HK1: variants seen among roughly 807,000 people sequenced by gnomAD.
HK1 encodes hexokinase 1.
Under a neutral mutation model 91.6 loss-of-function variants are expected in HK1, and 28 were observed. That is an observed-to-expected ratio of 0.31 (90% CI 0.23 to 0.42). The LOEUF (loss-of-function observed/expected upper bound fraction) is 0.42. Ranked by LOEUF, HK1 falls within the 10% of genes least tolerant of loss-of-function variation. The probability of loss-of-function intolerance (pLI) is 1.00; values close to 1 mark genes in which losing one functional copy is unlikely to be tolerated. For synonymous variants in HK1, 430 were observed against 468.1 expected (o/e 0.92, Z 1.05); for missense variants, 770 against 1,219.8 (o/e 0.63, Z 5.49).
Position 69,384,893 on chromosome 10 carries a change from G to A in HK1, c.1817G>A (p.Cys606Tyr). 1 of 1,614,200 alleles carries A rather than the reference G, an allele frequency of 6.2e-7. No homozygotes were observed. The highest frequency in any genetic ancestry group is 8.5e-7 in the Non-Finnish European group (1 of 1,180,034). The change falls in exon 12 of 18, where the codon TGC (cysteine) becomes TAC (tyrosine). Residue 606 changes from cysteine (C) to tyrosine (Y), a missense_variant. Cys to Tyr is a radical substitution (Grantham distance 194, BLOSUM62 -2). Transcript: ENST00000359426. ...CTGGGCTTCACGTTCTCATTTCCCT[G>A]CCAGCAGACGAGTCTGGACGCGGTG... Reference protein sequence around the residue: ...MPLGFTFSFPCQQTSLDAGIL... With the variant: ...MPLGFTFSFPYQQTSLDAGIL...
intron 3 of HK1, among the ~76,000 whole-genome samples, chr10:69,290,338 G>A (rs921354565): frequency 6.6e-6 from 1 of 152,154 alleles, no homozygotes; most frequent in Admixed American, 6.5e-5. Flanking sequence ...CTTCCACCTC[G>A]AGGCAAGAGG....
intron 2 of HK1, among the ~76,000 whole-genome samples, chr10:69,287,354 A>C (rs904844633): frequency 2.0e-5 from 3 of 152,144 alleles, no homozygotes; most frequent in African/African-American, 7.2e-5. Flanking sequence ...CAGGGGGGGA[A>C]CCGCCCCCAT....
chr10:69,285,836 C>T (rs890876889), intron 2 of HK1, among the ~76,000 whole-genome samples: 2 of 151,978 alleles, frequency 1.3e-5, no homozygotes, highest in Admixed American at 6.6e-5. Flanking sequence ...ACTCTCTAGA[C>T]AAAAAGCAAC....
At chr10:69,320,885 C>G (rs1846983400) in intron 1 of HK1, among the ~76,000 whole-genome samples, 1 of 152,148 alleles carries the variant, frequency 6.6e-6, no homozygotes, top group South Asian at 2.1e-4. Context: ...CTGTGGGTGG[C>G]TCAATTCACA....
intron 1 of HK1, among the ~76,000 whole-genome samples, chr10:69,273,785 A>G (rs1020967817): frequency 6.6e-6 from 1 of 152,236 alleles, no homozygotes; most frequent in Admixed American, 6.5e-5. Context: ...TAGAATATCC[A>G]TGTCCTTTTT....
rs1840371960 is a variant in HK1 at position 69,401,176 on chromosome 10, C to G, written c.*41C>G. 6.3e-7 allele frequency: 1 copy of G among 1,597,200 alleles called. No homozygotes were observed. The highest frequency in any genetic ancestry group is 1.3e-5 in the African/African-American group (1 of 74,668). ...AGCCTACTGCCTCTCCAGCACTTCT[C>G]TCTTCAAGCGGCGACCCCCTACCCT... On this transcript the variant is annotated 3_prime_UTR_variant, in exon 18 of 18. Coordinates refer to ENST00000359426, the MANE Select transcript of HK1 (RefSeq NM_000188.3).
At chr10:69,364,638 C>T in intron 3 of HK1, 145 bp from the exon 4 acceptor site, 1 of 1,008,694 alleles carries the variant, frequency 9.9e-7, no homozygotes, top group South Asian at 1.3e-5. Context: ...GCTTTTCAGA[C>T]AGGGCCACCA....
chr10:69,375,051 G>A (rs1839019176), intron 7 of HK1, among the ~76,000 whole-genome samples: 1 of 123,052 alleles, frequency 8.1e-6, no homozygotes, highest in Admixed American at 7.0e-5. Context: ...GATTCAAAAT[G>A]TGGATTGCCA....
intron 5 of HK1, among the ~76,000 whole-genome samples, chr10:69,302,218 G>A (rs999553724): frequency 1.3e-5 from 2 of 150,844 alleles, no homozygotes; most frequent in African/African-American, 4.9e-5. Flanking sequence ...TTGCACTCCA[G>A]CCTGGGCAAC....
In HK1 at chr10:69,386,332, A is replaced by G. The variant is rs760127339; in HGVS notation, c.1849A>G (p.Ile617Val). 1.2e-5 allele frequency: 19 copies of G among 1,613,670 alleles called. No individual in the cohort carries two copies. In the East Asian group the frequency reaches 4.2e-4, roughly 36 times the overall value. The part of the protein sequence containing the change: ...QQTSLDAGIL[I>V]TWTKGFKATD... Reference sequence around the variant, plus strand: ...GCTTTTTATGTTGTAGGGAATCTTGATCACGTGGACAAAGGGTTTTAAGGC... The same window carrying G: ...GCTTTTTATGTTGTAGGGAATCTTGGTCACGTGGACAAAGGGTTTTAAGGC... Residue 617 changes from isoleucine to valine, a missense_variant, in exon 13 of 18, where the codon ATC becomes GTC. Physicochemically the swap from Ile to Val is conservative, Grantham distance 29 (BLOSUM62 3). Coordinates refer to ENST00000359426, the MANE Select transcript of HK1 (RefSeq NM_000188.3).
chr10:69,285,427 AC>A (rs1844983132), intron 2 of HK1, among the ~76,000 whole-genome samples: 1 of 152,150 alleles, frequency 6.6e-6, no homozygotes, highest in South Asian at 2.1e-4. Context: ...CCATCTCAAA[AC>A]AACAACAAAA....
At chr10:69,274,069 T>G (rs1459839497) in intron 1 of HK1, among the ~76,000 whole-genome samples, 2 of 152,146 alleles carry the variant, frequency 1.3e-5, no homozygotes, top group Non-Finnish European at 2.9e-5. Flanking sequence ...AAGAGAACAC[T>G]CTTTCTTCTC....
chr10:69,279,751 G>A (rs1281708239), intron 1 of HK1, among the ~76,000 whole-genome samples: 1 of 152,162 alleles, frequency 6.6e-6, no homozygotes, highest in Non-Finnish European at 1.5e-5. Flanking sequence ...CTGTGACCTA[G>A]GATATTGGAG....
upstream of HK1, among the ~76,000 whole-genome samples, chr10:69,313,191 A>G (rs1846458780): frequency 6.6e-6 from 1 of 152,206 alleles, no homozygotes; most frequent in Non-Finnish European, 1.5e-5. Context: ...TTTTGCCGGT[A>G]AATTCCCATT....
intron 1 of HK1, among the ~76,000 whole-genome samples, chr10:69,320,283 C>T (rs995204801): frequency 1.1e-4 from 16 of 152,108 alleles, no homozygotes; most frequent in African/African-American, 3.6e-4. Context: ...GGAGTGGGTA[C>T]TGAGAGACAA....
chr10:69,352,518 A>G (rs1361810214), intron 2 of HK1, among the ~76,000 whole-genome samples: 3 of 152,236 alleles, frequency 2.0e-5, no homozygotes, highest in Non-Finnish European at 4.4e-5. Context: ...ATATACATAT[A>G]ATGGAATATA....
chr10:69,394,905 C>T, intron 15 of HK1, 45 bp from the exon 16 acceptor site: 1 of 1,607,224 alleles, frequency 6.2e-7, no homozygotes, highest in South Asian at 1.1e-5. Context: ...GACAGTTCTC[C>T]TGGCCACTTC....
At chr10:69,358,546 C>A (rs1849250810) in intron 2 of HK1, among the ~76,000 whole-genome samples, 1 of 152,178 alleles carries the variant, frequency 6.6e-6, no homozygotes, top group Non-Finnish European at 1.5e-5. Flanking sequence ...TGGATCCATA[C>A]AATGGAATAT....
rs1564547774 is a variant in HK1 at position 69,369,525 on chromosome 10, C to T, written c.776C>T (p.Thr259Ile). 1 of 1,614,164 alleles carries T rather than the reference C, an allele frequency of 6.2e-7. No individual in the cohort carries two copies. The highest frequency in any genetic ancestry group is 8.5e-7 in the Non-Finnish European group (1 of 1,180,004). ...GACGAGGGGAGGATGTGTATCAATA[C>T]AGAATGGGGAGCCTTTGGAGACGAT... The part of the protein sequence containing the change: ...EGDEGRMCIN[T>I]EWGAFGDDGS... Residue 259 changes from threonine to isoleucine, a missense_variant, in exon 7 of 18, where the codon ACA becomes ATA. By Grantham distance (89) the Thr-to-Ile change is moderately conservative. This residue lies in a region of HK1 where 449 missense variants were observed against 665.1 expected (regional missense o/e 0.68). Coordinates refer to ENST00000359426, the MANE Select transcript of HK1 (RefSeq NM_000188.3). This position sits in a 1 kb window ranked among gnomAD's most constrained non-coding sequence, Gnocchi z 4.4.
Sources: gnomAD v4.1 joint callset for allele counts (sites outside exome capture counted in the v4.1 genomes callset) on GRCh38, gnomAD v4.1.1 for gene constraint, gnomAD v4.1.1 regional missense constraint, Gnocchi (gnomAD v3.1) non-coding constraint, MANE v1.5 for transcripts, NCBI Gene and HGNC (gene_info 2026-07-23, HGNC 2026-07-21) for gene names.